FUNDC1: variants seen among roughly 807,000 people sequenced by gnomAD.
FUNDC1 encodes the protein FUN14 domain-containing protein 1.
Under a neutral mutation model 14.5 loss-of-function variants are expected in FUNDC1, and 10 were observed. The ratio of observed to expected loss-of-function variants is 0.69; its 90% CI spans 0.43 to 1.17. The LOEUF (loss-of-function observed/expected upper bound fraction) is 1.17. Ranked by LOEUF, FUNDC1 falls within the 50% of genes most tolerant of loss-of-function variation. The pLI is 0.00. For synonymous variants in FUNDC1, 33 were observed against 39.7 expected (o/e 0.83, Z 0.64); for missense variants, 115 against 113.8 (o/e 1.01, Z -0.05).
At chrX:44,525,753 G>A (rs1470292338) in intron 4 of FUNDC1, among the ~76,000 whole-genome samples, 2 of 109,994 alleles carry the variant, frequency 1.8e-5, no homozygotes, top group Non-Finnish European at 3.8e-5. Flanking sequence ...GCTGAGGTGG[G>A]AGGATCACTT....
At chrX:44,529,464 A>G (rs2038914433) in intron 3 of FUNDC1, among the ~76,000 whole-genome samples, 1 of 110,961 alleles carries the variant, frequency 9.0e-6, no homozygotes, top group Non-Finnish European at 1.9e-5. Flanking sequence ...AACACCTCCA[A>G]GCAGACAGAG....
At chrX:44,542,520 TA>T (rs1248785716) in intron 1 of FUNDC1, among the ~76,000 whole-genome samples, 3 of 101,347 alleles carry the variant, frequency 3.0e-5, no homozygotes, top group African/African-American at 1.3e-4. Flanking sequence ...TCCAGACGTT[TA>T]AAAAAAGAAA....
At chrX:44,532,711 C>G (rs963931839) in intron 3 of FUNDC1, among the ~76,000 whole-genome samples, 1 of 109,360 alleles carries the variant, frequency 9.1e-6, no homozygotes, top group East Asian at 2.9e-4. Flanking sequence ...CACCACCATG[C>G]CCGGCTAATT....
At chrX:44,524,950 G>A (rs2038895171) in intron 4 of FUNDC1, among the ~76,000 whole-genome samples, 1 of 111,325 alleles carries the variant, frequency 9.0e-6, no homozygotes, top group South Asian at 3.7e-4. Flanking sequence ...AGGCACAATG[G>A]TATTTATTAA....
At chrX:44,537,760 C>T (rs1449085265) in intron 3 of FUNDC1, among the ~76,000 whole-genome samples, 1 of 111,797 alleles carries the variant, frequency 8.9e-6, no homozygotes. Flanking sequence ...GTGCTGCTCA[C>T]ATTCATTCGT....
At chrX:44,534,604 AG>A (rs1196185588) in intron 3 of FUNDC1, among the ~76,000 whole-genome samples, 2 of 99,368 alleles carry the variant, frequency 2.0e-5, no homozygotes, top group Non-Finnish European at 4.1e-5. Flanking sequence ...ATTAACTGAA[AG>A]GAAAAAAAAA....
At position 44,527,148 on chromosome X, in the gene FUNDC1, TC is replaced by T. The variant is rs1282468450; in HGVS notation, c.390+88del. The T allele has an allele frequency of 1.3e-4, 84 of 629,098 alleles. No homozygotes were observed. In the Middle Eastern group the frequency reaches 1.7e-3, roughly 13 times the overall value. 51.8% of individuals were successfully genotyped at this position (629,098 alleles called of 1,213,427 possible). ...ACACCATTTTTAAAAAAGACAGTAA[TC>T]CCCCCCGGTCACATTTTCTGCTAAG... On this transcript the variant is annotated intron_variant, in intron 4 of 4. Coordinates refer to ENST00000378045, the MANE Select transcript of FUNDC1 (RefSeq NM_173794.4).
intron 3 of FUNDC1, among the ~76,000 whole-genome samples, chrX:44,537,508 G>T (rs904837635): frequency 4.5e-5 from 5 of 111,762 alleles, no homozygotes; most frequent in African/African-American, 1.6e-4. Flanking sequence ...CTTACCACAA[G>T]TAATAAGCAA....
In FUNDC1 at chrX:44,542,814, G is replaced by T; in HGVS notation, c.19C>A (p.Pro7Thr). Residue 7 changes from proline to threonine, a missense_variant, in exon 1 of 5, where the codon CCT becomes ACT. Coordinates refer to ENST00000378045, the MANE Select transcript of FUNDC1 (RefSeq NM_173794.4). MATRNP[P>T]PQDYESDDDS... is the part of the protein sequence containing the mutation. Reference sequence around the variant, plus strand: ...GGCCCTGGCCGCTCACCTTGGGGAGGGGGGTTCCGGGTCGCCATGATACCG... The same window carrying T: ...GGCCCTGGCCGCTCACCTTGGGGAGTGGGGTTCCGGGTCGCCATGATACCG... 8.6e-7 allele frequency: 1 copy of T among 1,169,332 alleles called. No individual in the cohort carries two copies.
chrX:44,526,897 G>GA (rs1162544951), intron 4 of FUNDC1, among the ~76,000 whole-genome samples: 2 of 109,293 alleles, frequency 1.8e-5, no homozygotes, highest in African/African-American at 6.6e-5. Flanking sequence ...CTATCCTCAA[G>GA]AAAAAAAATG....
chrX:44,538,407 C>T, intron 3 of FUNDC1, 60 bp downstream of exon 3: 1 of 914,356 alleles, frequency 1.1e-6, no homozygotes, highest in Non-Finnish European at 1.6e-6. Flanking sequence ...AAACTGATGC[C>T]TAAAAGAAAA....
chrX:44,540,414 T>TTGTGTGTGTATGTG (rs1555923157), intron 2 of FUNDC1, among the ~76,000 whole-genome samples: 2 of 96,651 alleles, frequency 2.1e-5, no homozygotes, highest in African/African-American at 4.0e-5. Context: ...AATGTGTGTG[T>TTGTGTGTGTATGTG]TGTGTGTGTG....
Position 44,541,890 on chromosome X carries a change from G to A in FUNDC1, c.185+55C>T, listed in dbSNP as rs2038973369. ...CGGTGATTCTTGCCCATGTATGAAA[G>A]GACAGCAGTGTCAGGCCCCCAAATG... On this transcript the variant is annotated intron_variant, in intron 2 of 4. Coordinates refer to ENST00000378045, the MANE Select transcript of FUNDC1 (RefSeq NM_173794.4). 6.4e-6 allele frequency: 7 copies of A among 1,090,120 alleles called. No individual in the cohort carries two copies. In the Admixed American group the frequency reaches 9.9e-5, roughly 15 times the overall value. The allele number at this position is 1,090,120 out of a possible 1,213,427, so 89.8% of individuals were successfully genotyped here. A position where few individuals can be genotyped will look rare whatever the true frequency, so the allele number is the denominator to read the frequency against.
At chrX:44,535,527 G>A (rs953722495) in intron 3 of FUNDC1, among the ~76,000 whole-genome samples, 5 of 107,169 alleles carry the variant, frequency 4.7e-5, no homozygotes, top group African/African-American at 6.8e-5. Context: ...AAAGTTAGCC[G>A]GGCTTGGTGG....
At chrX:44,534,195 G>GA (rs985130930) in intron 3 of FUNDC1, among the ~76,000 whole-genome samples, 26 of 102,650 alleles carry the variant, frequency 2.5e-4, no homozygotes, top group Non-Finnish European at 2.8e-4. Context: ...ATCTAAGAAA[G>GA]AAAAAAAAAA....
At chrX:44,532,898 T>C (rs895466326) in intron 3 of FUNDC1, among the ~76,000 whole-genome samples, 3 of 112,066 alleles carry the variant, frequency 2.7e-5, no homozygotes, top group Non-Finnish European at 5.6e-5. Flanking sequence ...TGCAAAGCTG[T>C]ATATAAATGG....
intron 1 of FUNDC1, 195 bp from the exon 2 acceptor site, chrX:44,542,296 G>A: frequency 2.4e-6 from 1 of 415,145 alleles, no homozygotes; most frequent in South Asian, 4.0e-5. Context: ...CTGCAACAAT[G>A]ACCCCCATCT....
chrX:44,523,943 C>T lies in FUNDC1; in HGVS notation c.*255G>A, dbSNP rs1188322666. The T allele has an allele frequency of 2.4e-5, 7 of 291,895 alleles. No individual in the cohort carries two copies. The highest frequency in any genetic ancestry group is 4.2e-5 in the Non-Finnish European group (7 of 167,204). The allele number at this position is 291,895 out of a possible 1,213,427, so 24.1% of individuals were successfully genotyped here. ...TTATAGGCTAGTTTCTAAACAGATG[C>T]AAATTTTTACAAAGCGATGAAAGCC... is the stretch of plus-strand genomic sequence containing the variant. On this transcript the variant is annotated 3_prime_UTR_variant, in exon 5 of 5. Transcript: ENST00000378045.
chrX:44,536,405 G>A (rs977809014), intron 3 of FUNDC1, among the ~76,000 whole-genome samples: 3 of 109,889 alleles, frequency 2.7e-5, no homozygotes, highest in Non-Finnish European at 5.7e-5. Context: ...TAAATTCACA[G>A]GCTCAAGAAG....
Sources: allele counts gnomAD v4.1 joint callset (sites outside exome capture counted in the v4.1 genomes callset), GRCh38; gene constraint gnomAD v4.1.1; transcripts MANE v1.5; gene names NCBI Gene and HGNC (gene_info 2026-07-23, HGNC 2026-07-21).